The following RALYL variants were observed in gnomAD, a reference collection of about 807,000 sequenced individuals.
The protein encoded by RALYL is RALY RNA binding protein like.
In RALYL, 29 loss-of-function variants were observed where a neutral mutation model predicts 35.1. The observed-to-expected ratio is 0.83, with a 90% CI of 0.61 to 1.13. The LOEUF (loss-of-function observed/expected upper bound fraction) is 1.13. RALYL is among the 50% of genes most tolerant of loss of function. The pLI is 0.00. For missense variants in RALYL, 359 were observed against 360.4 expected (o/e 1.00, Z 0.03); for synonymous variants, 120 against 127.6 (o/e 0.94, Z 0.40).
chr8:84,858,973 G>A (rs968667610), intron 5 of RALYL, among the ~76,000 whole-genome samples: 2 of 152,294 alleles, frequency 1.3e-5, no homozygotes, highest in East Asian at 1.9e-4. Context: ...GTTACTGGTG[G>A]AGGATGTCCA....
At chr8:84,857,036 G>GAAAAAA (rs36119108) in intron 5 of RALYL, among the ~76,000 whole-genome samples, 30 of 91,820 alleles carry the variant, frequency 3.3e-4, no homozygotes, top group African/African-American at 1.1e-3. Context: ...CTCCGTCTCA[G>GAAAAAA]AAAAAAAAAA....
chr8:84,853,815 C>T (rs1435718661), intron 5 of RALYL, among the ~76,000 whole-genome samples: 4 of 151,814 alleles, frequency 2.6e-5, no homozygotes, highest in East Asian at 1.9e-4. Context: ...TCATAAGTTA[C>T]GGTCTTCTTG....
intron 2 of RALYL, among the ~76,000 whole-genome samples, chr8:84,719,209 T>G (rs976147098): frequency 6.6e-6 from 1 of 152,200 alleles, no homozygotes. Context: ...TCATTCTATA[T>G]CCCCAGCATG....
intron 1 of RALYL, among the ~76,000 whole-genome samples, chr8:84,251,037 G>A (rs1470097793): frequency 6.6e-6 from 1 of 152,094 alleles, no homozygotes. Flanking sequence ...GAGTAATGGT[G>A]AAACAGTGTT....
At chr8:84,346,835 A>C (rs73294926) in intron 1 of RALYL, among the ~76,000 whole-genome samples, 3,750 of 152,184 alleles carry the variant, frequency 0.025, 94 homozygotes, top group Non-Finnish European at 0.031. Context: ...AAAAATGTCA[A>C]AATACTTAAG....
chr8:84,649,516 A>T (rs1397847711), intron 2 of RALYL, among the ~76,000 whole-genome samples: 1 of 151,846 alleles, frequency 6.6e-6, no homozygotes, highest in East Asian at 1.9e-4. Flanking sequence ...CAGTTTTCCC[A>T]GCACCATTTA....
At chr8:84,597,639 A>G (rs928280586) in intron 2 of RALYL, among the ~76,000 whole-genome samples, 2 of 152,116 alleles carry the variant, frequency 1.3e-5, no homozygotes, top group African/African-American at 2.4e-5. Context: ...TCACTTTTGT[A>G]TGGTCCATAA....
chr8:84,737,913 G>A (rs985427389), intron 2 of RALYL, among the ~76,000 whole-genome samples: 2 of 151,980 alleles, frequency 1.3e-5, no homozygotes, highest in South Asian at 2.1e-4. Flanking sequence ...CTTGCCTCCA[G>A]AACTGTAAGA....
At chr8:84,515,553 A>C (rs1306587601) in intron 1 of RALYL, among the ~76,000 whole-genome samples, 4 of 152,124 alleles carry the variant, frequency 2.6e-5, no homozygotes, top group Non-Finnish European at 5.9e-5. Flanking sequence ...CTGATTCTCA[A>C]AATTGTGCTC....
At chr8:84,634,697 T>C (rs1473891424) in intron 2 of RALYL, among the ~76,000 whole-genome samples, 2 of 151,714 alleles carry the variant, frequency 1.3e-5, no homozygotes, top group African/African-American at 2.4e-5. Flanking sequence ...GAAAAATTGA[T>C]AAAAGACTGA....
At chr8:84,716,709 A>C (rs1842990929) in intron 2 of RALYL, among the ~76,000 whole-genome samples, 1 of 152,210 alleles carries the variant, frequency 6.6e-6, no homozygotes, top group Non-Finnish European at 1.5e-5. Flanking sequence ...TTCACTATCC[A>C]GACAGAAATA....
chr8:84,659,367 C>T (rs1318878425), intron 2 of RALYL, among the ~76,000 whole-genome samples: 1 of 151,996 alleles, frequency 6.6e-6, no homozygotes, highest in African/African-American at 2.4e-5. Context: ...CGGTGTTCCC[C>T]ATTAGGCCAA....
chr8:84,249,989 TA>T (rs2131658524), intron 1 of RALYL, among the ~76,000 whole-genome samples: 1 of 152,180 alleles, frequency 6.6e-6, no homozygotes, highest in East Asian at 1.9e-4. Flanking sequence ...TTCCAAAATT[TA>T]TAAAAATATT....
intron 8 of RALYL, among the ~76,000 whole-genome samples, chr8:84,910,430 A>G (rs1847308878): frequency 6.6e-6 from 1 of 152,100 alleles, no homozygotes; most frequent in Non-Finnish European, 1.5e-5. Flanking sequence ...TAAAATACAG[A>G]CAGTCACATA....
intron 2 of RALYL, among the ~76,000 whole-genome samples, chr8:84,563,289 G>A (rs2061577245): frequency 6.6e-6 from 1 of 151,802 alleles, no homozygotes; most frequent in African/African-American, 2.4e-5. Flanking sequence ...ATAAGCTCAT[G>A]AGGAAACACA....
chr8:84,659,797 A>G (rs991741196), intron 2 of RALYL, among the ~76,000 whole-genome samples: 1 of 152,216 alleles, frequency 6.6e-6, no homozygotes, highest in Non-Finnish European at 1.5e-5. Flanking sequence ...CTACAAGGCT[A>G]TAAATGAATG....
At chr8:84,818,512 C>T (rs2134201470) in intron 4 of RALYL, among the ~76,000 whole-genome samples, 1 of 152,250 alleles carries the variant, frequency 6.6e-6, no homozygotes, top group South Asian at 2.1e-4. Context: ...GCAGAGAAGG[C>T]ACCATACCCC....
At position 84,387,803 on chromosome 8, in the gene RALYL, C is replaced by CTTT. The variant is rs112006834; in HGVS notation, c.-23-141483_-23-141481dup. On this transcript the variant is annotated intron_variant, in intron 1 of 8. Transcript: ENST00000521268. ...AGGTGGTTCTTTTCTTTCTTTCTTT[C>CTTT]TTTTTTTTTTTTTTTGATTGTAAGA... Among the ~76,000 whole-genome samples, 251 of 135,530 alleles carry CTTT rather than the reference C, an allele frequency of 1.9e-3. 1 individual carries two copies. The highest frequency in any genetic ancestry group is 6.3e-3 in the African/African-American group (236 of 37,642). 88.9% of individuals were successfully genotyped at this position (135,530 alleles called of 152,430 possible). A position where few individuals can be genotyped will look rare whatever the true frequency, so the allele number is the denominator to read the frequency against.
chr8:84,320,536 A>T (rs1296356531), intron 1 of RALYL, among the ~76,000 whole-genome samples: 1 of 152,034 alleles, frequency 6.6e-6, no homozygotes, highest in African/African-American at 2.4e-5. Flanking sequence ...AGTATGTCTT[A>T]TATGTTGGCT....
Sources: gnomAD v4.1 joint callset for allele counts (sites outside exome capture counted in the v4.1 genomes callset) on GRCh38, gnomAD v4.1.1 for gene constraint, MANE v1.5 for transcripts, NCBI Gene and HGNC (gene_info 2026-07-23, HGNC 2026-07-21) for gene names.